Variants in FAM186A observed in about 807,000 individuals in gnomAD.
The protein encoded by FAM186A is family with sequence similarity 186 member A.
A neutral mutation model predicts 216.8 loss-of-function variants in FAM186A; 163 were observed. The ratio of observed to expected loss-of-function variants is 0.75; its 90% CI spans 0.66 to 0.86. FAM186A has a LOEUF of 0.86. Among genes scored for constraint, FAM186A ranks in the 40% least tolerant of loss-of-function variants. The pLI is 0.00. For missense variants in FAM186A, 2,184 were observed against 2,746.2 expected (o/e 0.80, Z 4.58); for synonymous variants, 805 against 1,025.3 (o/e 0.79, Z 4.10).
chr12:50,331,400 G>A (rs1033375874), intron 6 of FAM186A, among the ~76,000 whole-genome samples: 5 of 151,960 alleles, frequency 3.3e-5, no homozygotes, highest in South Asian at 2.1e-4. Context: ...CCACTATGCC[G>A]GGCTAATTTT....
At chr12:50,346,253 G>GAAAGAAAGAAAGAAAGAA (rs1172860985) in intron 4 of FAM186A, among the ~76,000 whole-genome samples, 1 of 150,200 alleles carries the variant, frequency 6.7e-6, no homozygotes, top group African/African-American at 2.4e-5. Context: ...AAGAAAGAAA[G>GAAAGAAAGAAAGAAAGAA]AAAGAAAGAA....
intron 4 of FAM186A, among the ~76,000 whole-genome samples, chr12:50,339,837 C>A (rs1414265528): frequency 6.6e-6 from 1 of 150,946 alleles, no homozygotes; most frequent in East Asian, 2.0e-4. Flanking sequence ...TCTTTGTTTT[C>A]CTGACTTTTT....
rs1413628564 is a variant in FAM186A at position 50,355,086 on chromosome 12, A to G, written c.1746T>C (p.Ile582=). 1 of 1,551,670 alleles carries G rather than the reference A, an allele frequency of 6.4e-7. No homozygotes were observed. Among genetic ancestry groups the G allele is most frequent in the Non-Finnish European group, 8.7e-7 (1 of 1,146,986 alleles). The change falls in exon 4 of 8, where the codon ATT becomes ATC. Residue 582 remains isoleucine, a synonymous_variant. Coordinates refer to ENST00000327337, the MANE Select transcript of FAM186A (RefSeq NM_001145475.3). ...TACTGAGTGGCTCCACTAGGCTTCT[A>G]ATTTCACCTTTGCCCTCTTTGTCCA... is the stretch of plus-strand genomic sequence containing the variant. ...ESLDKEGKGE[I]RSLVEPLSMI... is the part of the protein sequence containing the mutation.
chr12:50,328,254 C>T (rs151073735), intron 7 of FAM186A, among the ~76,000 whole-genome samples: 2 of 152,248 alleles, frequency 1.3e-5, no homozygotes, highest in Admixed American at 6.5e-5. Context: ...TGCCTGTAAT[C>T]CCAGCTACTT....
intron 1 of FAM186A, among the ~76,000 whole-genome samples, chr12:50,372,994 GGAAT>G (rs142523551): frequency 0.13 from 7,509 of 58,240 alleles, 1,198 homozygotes; most frequent in South Asian, 0.16. Flanking sequence ...AAGGAAGGAA[GGAAT>G]GAAAGAAAGA....
At chr12:50,383,249 TAAAAAAAAA>T (rs1167515309) in intron 1 of FAM186A, among the ~76,000 whole-genome samples, 42 of 10,362 alleles carry the variant, frequency 4.1e-3, no homozygotes, top group Non-Finnish European at 0.014. Flanking sequence ...AGACTCCGTC[TAAAAAAAAA>T]AAAAAAAAAA....
chr12:50,359,172 G>A (rs554508606), intron 3 of FAM186A, among the ~76,000 whole-genome samples: 1 of 152,176 alleles, frequency 6.6e-6, no homozygotes, highest in East Asian at 1.9e-4. Flanking sequence ...GCAGAGGCGG[G>A]TGGATCACCT....
At chr12:50,358,300 G>T (rs1025026095) in intron 3 of FAM186A, among the ~76,000 whole-genome samples, 2 of 152,178 alleles carry the variant, frequency 1.3e-5, no homozygotes, top group Admixed American at 6.6e-5. Context: ...CTTATATCCA[G>T]CGAGGTGTGG....
At chr12:50,390,504 CTATT>C (rs1343366044) in intron 1 of FAM186A, among the ~76,000 whole-genome samples, 1 of 152,170 alleles carries the variant, frequency 6.6e-6, no homozygotes, top group African/African-American at 2.4e-5. Flanking sequence ...GGCTTCCTAT[CTATT>C]CATTTCTGGG....
Position 50,370,098 on chromosome 12 carries a change from T to C in FAM186A, c.193-6734A>G, listed in dbSNP as rs562125531. Among the ~76,000 whole-genome samples, 5 of 110,434 alleles carry C rather than the reference T, an allele frequency of 4.5e-5. No homozygotes were observed. The Admixed American group carries it at 5.9e-4, about 13-fold the overall frequency. 72.4% of individuals were successfully genotyped at this position (110,434 alleles called of 152,430 possible). On this transcript the variant is annotated intron_variant, in intron 1 of 7. Transcript: ENST00000327337. ...GAGATTGCACCACTGCACCCCAGCC[T>C]GGGCGACAGAGCGAGACTCCATCTC...
intron 1 of FAM186A, among the ~76,000 whole-genome samples, chr12:50,385,933 GCAGA>G (rs1370856646): frequency 7.2e-5 from 11 of 151,862 alleles, no homozygotes; most frequent in Non-Finnish European, 1.5e-4. Flanking sequence ...ACTCATAGAA[GCAGA>G]CAGTGTAGAA....
intron 4 of FAM186A, among the ~76,000 whole-genome samples, chr12:50,340,259 A>G (rs750923287): frequency 6.6e-6 from 1 of 152,080 alleles, no homozygotes; most frequent in Non-Finnish European, 1.5e-5. Flanking sequence ...CCATTATTGT[A>G]CTTTCCACAT....
At chr12:50,328,891 G>A (rs1016721726) in intron 7 of FAM186A, among the ~76,000 whole-genome samples, 1 of 152,174 alleles carries the variant, frequency 6.6e-6, no homozygotes, top group Non-Finnish European at 1.5e-5. Context: ...CAAGGCGGGT[G>A]GATCACCTGA....
At chr12:50,329,769 T>C (rs1053531038) in intron 7 of FAM186A, among the ~76,000 whole-genome samples, 2 of 152,118 alleles carry the variant, frequency 1.3e-5, no homozygotes, top group African/African-American at 4.8e-5. Context: ...GCTAATGTTG[T>C]ATTTTTAGTA....
intron 1 of FAM186A, among the ~76,000 whole-genome samples, chr12:50,375,609 C>T (rs1054412215): frequency 1.2e-4 from 17 of 145,910 alleles, no homozygotes; most frequent in African/African-American, 3.8e-4. Context: ...CTCAGCTAAT[C>T]GGGAGGCTGA....
intron 4 of FAM186A, among the ~76,000 whole-genome samples, chr12:50,334,551 C>A (rs1323652318): frequency 4.6e-5 from 7 of 151,660 alleles, no homozygotes. Context: ...GATCTTGACT[C>A]ACTGCAACCT....
Sources: allele counts gnomAD v4.1 joint callset (sites outside exome capture counted in the v4.1 genomes callset), GRCh38; gene constraint gnomAD v4.1.1; transcripts MANE v1.5; gene names NCBI Gene and HGNC (gene_info 2026-07-23, HGNC 2026-07-21).